Variants in NTNG1 observed in about 807,000 individuals in gnomAD.
The protein encoded by NTNG1 is netrin G1.
A neutral mutation model predicts 54.0 loss-of-function variants in NTNG1; 16 were observed. The observed-to-expected ratio is 0.30, with a 90% CI of 0.20 to 0.45. NTNG1 has a LOEUF of 0.45. Ranked by LOEUF, NTNG1 falls within the 20% of genes least tolerant of loss-of-function variation. The probability of loss-of-function intolerance (pLI) is 1.00; values close to 1 mark genes in which losing one functional copy is unlikely to be tolerated. For missense variants in NTNG1, 530 were observed against 678.7 expected (o/e 0.78, Z 2.43); for synonymous variants, 255 against 263.1 (o/e 0.97, Z 0.30).
intron 2 of NTNG1, among the ~76,000 whole-genome samples, chr1:107,232,447 T>G (rs1303705536): frequency 6.6e-6 from 1 of 152,200 alleles, no homozygotes; most frequent in African/African-American, 2.4e-5. Flanking sequence ...TTGTGTTCTT[T>G]CACTTACTAA....
At chr1:107,427,762 A>G (rs1030932042) in intron 5 of NTNG1, among the ~76,000 whole-genome samples, 1 of 152,152 alleles carries the variant, frequency 6.6e-6, no homozygotes, top group African/African-American at 2.4e-5. Context: ...GTATCCAGTT[A>G]TCATTTGAAA....
At chr1:107,188,349 T>C (rs1657629586) in intron 2 of NTNG1, among the ~76,000 whole-genome samples, 1 of 152,122 alleles carries the variant, frequency 6.6e-6, no homozygotes, top group African/African-American at 2.4e-5. Flanking sequence ...GTGTAATGTG[T>C]CTGTCATTTA....
chr1:107,187,602 C>G (rs974392328), intron 2 of NTNG1, among the ~76,000 whole-genome samples: 12 of 152,164 alleles, frequency 7.9e-5, no homozygotes, highest in African/African-American at 2.9e-4. Flanking sequence ...CAGCTCCAAA[C>G]AGATCACATA....
chr1:107,151,550 A>C (rs930046942), intron 2 of NTNG1, among the ~76,000 whole-genome samples: 5 of 152,176 alleles, frequency 3.3e-5, no homozygotes, highest in African/African-American at 9.7e-5. Context: ...TTGTTTCAGT[A>C]ATCACTTGTT....
chr1:107,304,890 T>C lies in NTNG1; in HGVS notation c.247-19392T>C, dbSNP rs571419626. On this transcript the variant is annotated intron_variant, in intron 2 of 7. Transcript: ENST00000370068. The stretch of plus-strand genomic sequence containing the variant: ...TCTAATGCTATCCCTCCCCTAGCCC[T>C]GCCACCCCCTGACAGGCCCTGGTGT... 5.9e-5 allele frequency among the ~76,000 whole-genome samples: 9 copies of C among 152,144 alleles called. No individual in the cohort carries two copies. In the East Asian group the frequency reaches 1.8e-3, roughly 30 times the overall value.
chr1:107,467,572 C>A (rs375880472), intron 7 of NTNG1, among the ~76,000 whole-genome samples: 3 of 152,224 alleles, frequency 2.0e-5, no homozygotes, highest in East Asian at 3.9e-4. Flanking sequence ...CAGAGCCATG[C>A]GTGGTAATGT....
chr1:107,467,480 G>T (rs1336961525), intron 7 of NTNG1, among the ~76,000 whole-genome samples: 1 of 152,182 alleles, frequency 6.6e-6, no homozygotes, highest in Non-Finnish European at 1.5e-5. Context: ...TCATTGAGTT[G>T]AATGACCTCT....
intron 3 of NTNG1, among the ~76,000 whole-genome samples, chr1:107,328,104 C>T (rs937054338): frequency 2.0e-5 from 3 of 152,054 alleles, no homozygotes; most frequent in African/African-American, 4.8e-5. Flanking sequence ...CCTCTCATTG[C>T]GTATTTATTA....
At chr1:107,352,221 G>T (rs1570743509) in intron 3 of NTNG1, among the ~76,000 whole-genome samples, 1 of 152,242 alleles carries the variant, frequency 6.6e-6, no homozygotes, top group Non-Finnish European at 1.5e-5. Flanking sequence ...ACTAGGCAGT[G>T]CTCCAATGGG....
intron 2 of NTNG1, among the ~76,000 whole-genome samples, chr1:107,177,144 C>A (rs984027204): frequency 6.6e-6 from 1 of 152,170 alleles, no homozygotes; most frequent in African/African-American, 2.4e-5. Flanking sequence ...TCACATGTCT[C>A]TCTTGTGCCA....
intron 2 of NTNG1, among the ~76,000 whole-genome samples, chr1:107,280,390 G>A (rs1664771957): frequency 6.6e-6 from 1 of 151,458 alleles, no homozygotes; most frequent in African/African-American, 2.4e-5. Flanking sequence ...GTGTTTGCAT[G>A]TCTATCTTTC....
In NTNG1 at chr1:107,363,753, A is replaced by G. The variant is rs547826525; in HGVS notation, c.888-31401A>G. ...CATTTCATATTGATCACTTGCTTTCATCTTATCTGAACTCAATTCAATTTA... is the reference window on the plus strand; with the variant it reads ...CATTTCATATTGATCACTTGCTTTCGTCTTATCTGAACTCAATTCAATTTA... On this transcript the variant is annotated intron_variant, in intron 3 of 7. Transcript: ENST00000370068. Among the ~76,000 whole-genome samples the G allele has an allele frequency of 2.2e-4, 34 of 152,290 alleles. 1 individual carries two copies. The South Asian group carries it at 6.4e-3, about 29-fold the overall frequency.
chr1:107,343,326 A>G (rs888876250), intron 3 of NTNG1, among the ~76,000 whole-genome samples: 1 of 152,148 alleles, frequency 6.6e-6, no homozygotes, highest in Admixed American at 6.6e-5. Flanking sequence ...ATGATCTACT[A>G]TATTAACATC....
chr1:107,464,685 G>T (rs138996108), intron 7 of NTNG1, among the ~76,000 whole-genome samples: 2 of 152,250 alleles, frequency 1.3e-5, no homozygotes, highest in African/African-American at 4.8e-5. Context: ...GTCCATGCAG[G>T]TCTTAGCTTC....
At chr1:107,356,290 A>C (rs1428269902) in intron 3 of NTNG1, among the ~76,000 whole-genome samples, 2 of 152,154 alleles carry the variant, frequency 1.3e-5, no homozygotes. Flanking sequence ...TGAATGAATA[A>C]ATTTATTTAT....
intron 2 of NTNG1, among the ~76,000 whole-genome samples, chr1:107,152,834 G>T (rs546814218): frequency 6.6e-6 from 1 of 152,118 alleles, no homozygotes; most frequent in South Asian, 2.1e-4. Flanking sequence ...AAAAATTGGA[G>T]AAAATAAAGT....
chr1:107,149,871 C>T (rs1478361511), intron 2 of NTNG1, among the ~76,000 whole-genome samples: 1 of 151,858 alleles, frequency 6.6e-6, no homozygotes, highest in Non-Finnish European at 1.5e-5. Context: ...ATAATCTTAC[C>T]TGACTATATT....
intron 2 of NTNG1, among the ~76,000 whole-genome samples, chr1:107,220,906 A>C (rs1233086805): frequency 1.3e-5 from 2 of 152,104 alleles, no homozygotes; most frequent in Non-Finnish European, 2.9e-5. Flanking sequence ...TTATGTTACC[A>C]TTTTGATGTG....
intron 7 of NTNG1, among the ~76,000 whole-genome samples, chr1:107,441,938 T>C (rs1303034761): frequency 6.6e-6 from 1 of 152,052 alleles, no homozygotes; most frequent in African/African-American, 2.4e-5. Flanking sequence ...AGGGTAGAGA[T>C]AGTGAAATAT....
Sources: gnomAD v4.1 joint callset for allele counts (sites outside exome capture counted in the v4.1 genomes callset) on GRCh38, gnomAD v4.1.1 for gene constraint, MANE v1.5 for transcripts, NCBI Gene and HGNC (gene_info 2026-07-23, HGNC 2026-07-21) for gene names.